Variants in GRID2 observed in about 807,000 individuals in gnomAD.
GRID2 encodes the protein glutamate ionotropic receptor delta type subunit 2, also known as glutamate receptor ionotropic, delta-2.
In GRID2, 33 loss-of-function variants were observed where a neutral mutation model predicts 114.8. The observed-to-expected ratio is 0.29, with a 90% CI of 0.22 to 0.38. The LOEUF is 0.38. Ranked by LOEUF, GRID2 falls within the 10% of genes least tolerant of loss-of-function variation. The probability of loss-of-function intolerance (pLI) is 1.00; values close to 1 mark genes in which losing one functional copy is unlikely to be tolerated. For missense variants in GRID2, 1,184 were observed against 1,257.7 expected, an observed-to-expected ratio of 0.94 and a Z score of 0.89; for synonymous variants, 505 against 449.9, an observed-to-expected ratio of 1.12 and a Z score of -1.55.
At chr4:93,808,911 C>T (rs937991553) in exon 2 of GRID2, 1 of 152,220 alleles carries the variant, frequency 6.6e-6, no homozygotes, top group Middle Eastern at 3.2e-3. Flanking sequence ...TACAAGCCTT[C>T]CCTGACTGCC....
intron 2 of GRID2, among the ~76,000 whole-genome samples, chr4:92,905,618 C>A (rs1048575056): frequency 1.3e-5 from 2 of 151,858 alleles, no homozygotes; most frequent in Non-Finnish European, 2.9e-5. Flanking sequence ...AAATGTAGCT[C>A]ATTTGATGAG....
chr4:92,916,757 T>A (rs1748836111), intron 2 of GRID2, among the ~76,000 whole-genome samples: 1 of 152,196 alleles, frequency 6.6e-6, no homozygotes, highest in Admixed American at 6.5e-5. Context: ...ATCCAGTCTA[T>A]CATTGTTGGA....
chr4:93,375,701 G>A (rs116636835), intron 8 of GRID2, among the ~76,000 whole-genome samples: 1,890 of 152,194 alleles, frequency 0.012, 45 homozygotes, highest in African/African-American at 0.043. Context: ...GTAGAATACC[G>A]ATTTATTTTT....
At chr4:93,183,443 G>A (rs1053325700) in intron 4 of GRID2, among the ~76,000 whole-genome samples, 3 of 152,106 alleles carry the variant, frequency 2.0e-5, no homozygotes, top group Non-Finnish European at 4.4e-5. Context: ...GATGTTTCAC[G>A]TGTGATGAAT....
chr4:93,770,214 T>A (rs1471387828), intron 15 of GRID2, among the ~76,000 whole-genome samples: 1 of 152,074 alleles, frequency 6.6e-6, no homozygotes, highest in East Asian at 1.9e-4. Flanking sequence ...ACTAAAGGGG[T>A]GAAAATGTTT....
chr4:92,786,853 C>T (rs187384961), intron 2 of GRID2, among the ~76,000 whole-genome samples: 70 of 151,732 alleles, frequency 4.6e-4, no homozygotes, highest in Admixed American at 7.2e-4. Context: ...CAAATTTAAC[C>T]GAAAGCTCAA....
chr4:93,481,647 A>T (rs983547656), intron 11 of GRID2, among the ~76,000 whole-genome samples: 1 of 151,992 alleles, frequency 6.6e-6, no homozygotes, highest in Non-Finnish European at 1.5e-5. Context: ...TTCCATGCCA[A>T]CTCTGGTGGT....
intron 15 of GRID2, among the ~76,000 whole-genome samples, chr4:93,770,376 CT>C (rs1734011390): frequency 6.6e-6 from 1 of 152,198 alleles, no homozygotes; most frequent in African/African-American, 2.4e-5. Flanking sequence ...CCTGAGGCAA[CT>C]CCTGAAAGGA....
chr4:93,194,380 G>A (rs910087680), intron 4 of GRID2, among the ~76,000 whole-genome samples: 1 of 152,108 alleles, frequency 6.6e-6, no homozygotes, highest in African/African-American at 2.4e-5. Flanking sequence ...GTGTTTTAAG[G>A]AGTTTTTTTC....
intron 8 of GRID2, among the ~76,000 whole-genome samples, chr4:93,345,507 CT>C (rs1760133427): frequency 6.6e-6 from 1 of 151,956 alleles, no homozygotes; most frequent in African/African-American, 2.4e-5. Flanking sequence ...TGTTTTCTTG[CT>C]ATTGAGTTGT....
At chr4:92,535,478 T>C (rs1725572852) in intron 1 of GRID2, among the ~76,000 whole-genome samples, 1 of 152,174 alleles carries the variant, frequency 6.6e-6, no homozygotes, top group Non-Finnish European at 1.5e-5. Flanking sequence ...AAATTTGGAA[T>C]ATATAAACTT....
chr4:93,366,737 C>T (rs1243832296), intron 8 of GRID2, among the ~76,000 whole-genome samples: 2 of 151,962 alleles, frequency 1.3e-5, no homozygotes, highest in South Asian at 2.1e-4. Flanking sequence ...CCCGGACGCC[C>T]GGCTTTAAAA....
At chr4:92,440,443 T>A (rs1732986112) in intron 1 of GRID2, among the ~76,000 whole-genome samples, 1 of 151,826 alleles carries the variant, frequency 6.6e-6, no homozygotes. Context: ...TAAGAGGTAT[T>A]TCAGTTATCT....
chr4:93,675,905 G>T (rs1398931159), intron 14 of GRID2, among the ~76,000 whole-genome samples: 1 of 152,138 alleles, frequency 6.6e-6, no homozygotes, highest in Non-Finnish European at 1.5e-5. Flanking sequence ...AGCAGAGGTT[G>T]GAAACAATTT....
In GRID2 at chr4:92,772,487, T is replaced by G. The variant is rs187174905; in HGVS notation, c.244+182201T>G. On this transcript the variant is annotated intron_variant, in intron 2 of 15. Transcript: ENST00000282020. ...ATTGTATACAATAAGGGAGGAGCAGTGGCACATTCATGAAAACATATGCTC... is the reference window on the plus strand; with the variant it reads ...ATTGTATACAATAAGGGAGGAGCAGGGGCACATTCATGAAAACATATGCTC... 4.2e-3 allele frequency among the ~76,000 whole-genome samples: 635 copies of G among 152,258 alleles called. 4 individuals carry two copies. The highest frequency in any genetic ancestry group is 5.8e-3 in the Non-Finnish European group (392 of 68,026).
chr4:92,875,453 G>T (rs1466567032), intron 2 of GRID2, among the ~76,000 whole-genome samples: 1 of 152,060 alleles, frequency 6.6e-6, no homozygotes, highest in Non-Finnish European at 1.5e-5. Flanking sequence ...CGTGAGCCAC[G>T]TCGCCCGGCC....
chr4:93,144,952 G>A lies in GRID2; in HGVS notation c.735+33999G>A, dbSNP rs144790867. Among the ~76,000 whole-genome samples the A allele has an allele frequency of 3.7e-3, 563 of 151,710 alleles. 1 individual carries two copies. Among genetic ancestry groups the A allele is most frequent in the African/African-American group, 0.012 (486 of 41,408 alleles). On this transcript the variant is annotated intron_variant, in intron 4 of 15. Transcript: ENST00000282020. Reference sequence around the variant, plus strand: ...ATGAGCCTTAAAATCTGAACCACAGGCCAAAACAAAACCATCTACCTTTAC... The same window carrying A: ...ATGAGCCTTAAAATCTGAACCACAGACCAAAACAAAACCATCTACCTTTAC...
At position 93,644,175 on chromosome 4, in the gene GRID2, G is replaced by T. The variant is rs921408108; in HGVS notation, c.2360+17740G>T. ...AATGCCTCGCCCTGCTTCGGCTCGC[G>T]CACGGTGCGCACACACACTGGCCTG... On this transcript the variant is annotated intron_variant, in intron 14 of 15. Transcript: ENST00000282020. Among the ~76,000 whole-genome samples, 2 of 88,574 alleles carry T rather than the reference G, an allele frequency of 2.3e-5. 1 individual carries two copies. Among genetic ancestry groups the T allele is most frequent in the East Asian group, 4.6e-4 (2 of 4,386 alleles). The allele number at this position is 88,574 out of a possible 152,430, so 58.1% of individuals were successfully genotyped here.
rs751127226 is a variant in GRID2 at position 92,936,666 on chromosome 4, T to A, written c.245-148329T>A. On this transcript the variant is annotated intron_variant, in intron 2 of 15. Transcript: ENST00000282020. ...AGGTCTGTTCAATCAAGGTCACAATTCTGTCTTAATTTCATAGTATTGCTG... is the reference window on the plus strand; with the variant it reads ...AGGTCTGTTCAATCAAGGTCACAATACTGTCTTAATTTCATAGTATTGCTG... Among the ~76,000 whole-genome samples, 3 of 146,250 alleles carry A rather than the reference T, an allele frequency of 2.1e-5. 1 individual carries two copies. Among genetic ancestry groups the A allele is most frequent in the Non-Finnish European group, 4.5e-5 (3 of 66,126 alleles).
Sources: gnomAD v4.1 joint callset for allele counts (sites outside exome capture counted in the v4.1 genomes callset) on GRCh38, gnomAD v4.1.1 for gene constraint, MANE v1.5 for transcripts, NCBI Gene and HGNC (gene_info 2026-07-23, HGNC 2026-07-21) for gene names.